Variants in GHR observed in about 807,000 individuals in gnomAD.
GHR encodes the protein growth hormone receptor.
In GHR, 35 loss-of-function variants were observed where a neutral mutation model predicts 67.1. The ratio of observed to expected loss-of-function variants is 0.52; its 90% CI spans 0.40 to 0.69. The LOEUF (loss-of-function observed/expected upper bound fraction) is 0.69. Ranked by LOEUF, GHR falls within the 30% of genes least tolerant of loss-of-function variation. The pLI, the probability that GHR is intolerant of heterozygous loss-of-function variation, is 0.00. For missense variants in GHR, 792 were observed against 764.6 expected (o/e 1.04, Z -0.42); for synonymous variants, 272 against 269.1 (o/e 1.01, Z -0.10).
chr5:42,565,106 C>T (rs896379372), intron 1 of GHR, among the ~76,000 whole-genome samples: 1 of 152,090 alleles, frequency 6.6e-6, no homozygotes, highest in Non-Finnish European at 1.5e-5. Context: ...CTACTCTCTC[C>T]GTTAGACTGA....
intron 3 of GHR, among the ~76,000 whole-genome samples, chr5:42,631,254 C>T (rs555169462): frequency 2.0e-5 from 3 of 152,260 alleles, no homozygotes; most frequent in Admixed American, 1.3e-4. Context: ...CTTCATGATA[C>T]GTAAGACGAC....
intron 1 of GHR, among the ~76,000 whole-genome samples, chr5:42,504,875 C>T (rs1456661147): frequency 6.6e-6 from 1 of 152,210 alleles, no homozygotes; most frequent in East Asian, 1.9e-4. Context: ...TATTCTGGAT[C>T]TCTTCATTAT....
chr5:42,596,593 G>T (rs1057154600), intron 2 of GHR, among the ~76,000 whole-genome samples: 1 of 152,168 alleles, frequency 6.6e-6, no homozygotes, highest in African/African-American at 2.4e-5. Context: ...GTGATTAGGG[G>T]CCAGGATACA....
At chr5:42,495,303 G>A (rs1488995318) in intron 1 of GHR, among the ~76,000 whole-genome samples, 4 of 151,934 alleles carry the variant, frequency 2.6e-5, no homozygotes, top group African/African-American at 9.7e-5. Context: ...AAAAGAACAA[G>A]CAATAGACTC....
At chr5:42,666,844 C>G (rs1426109143) in intron 3 of GHR, among the ~76,000 whole-genome samples, 1 of 152,176 alleles carries the variant, frequency 6.6e-6, no homozygotes, top group Non-Finnish European at 1.5e-5. Context: ...ATCTTTTCAA[C>G]AAAGAGCCCA....
chr5:42,604,030 G>A (rs1444061048), intron 2 of GHR, among the ~76,000 whole-genome samples: 1 of 152,230 alleles, frequency 6.6e-6, no homozygotes, highest in Non-Finnish European at 1.5e-5. Flanking sequence ...ATGTTTATGA[G>A]TTTATTATAA....
intron 1 of GHR, among the ~76,000 whole-genome samples, chr5:42,552,842 T>C (rs1203915996): frequency 6.6e-6 from 1 of 152,212 alleles, no homozygotes; most frequent in Non-Finnish European, 1.5e-5. Flanking sequence ...TTATTGCACC[T>C]GTCTCTGTGT....
chr5:42,661,245 T>C (rs1226992354), intron 3 of GHR, among the ~76,000 whole-genome samples: 1 of 152,050 alleles, frequency 6.6e-6, no homozygotes, highest in East Asian at 1.9e-4. Context: ...ATTCAGGAAA[T>C]ACAAAGAACG....
intron 1 of GHR, among the ~76,000 whole-genome samples, chr5:42,529,949 C>A (rs977548893): frequency 6.7e-6 from 1 of 150,072 alleles, no homozygotes; most frequent in Non-Finnish European, 1.5e-5. Context: ...TGAACTTCTT[C>A]CGGAATGGGA....
At chr5:42,671,935 G>A (rs1756332228) in intron 3 of GHR, among the ~76,000 whole-genome samples, 1 of 123,592 alleles carries the variant, frequency 8.1e-6, no homozygotes, top group African/African-American at 3.0e-5. Flanking sequence ...CAGCCTGGGC[G>A]ACAGAGCAAG....
intron 1 of GHR, among the ~76,000 whole-genome samples, chr5:42,450,734 T>C (rs1175514695): frequency 6.6e-6 from 1 of 152,116 alleles, no homozygotes; most frequent in African/African-American, 2.4e-5. Flanking sequence ...GATTGTCTAT[T>C]TGTGCTCTTT....
intron 6 of GHR, among the ~76,000 whole-genome samples, chr5:42,707,707 G>T (rs1409809582): frequency 1.3e-5 from 2 of 151,874 alleles, no homozygotes; most frequent in African/African-American, 4.8e-5. Context: ...CTGTGTGTGT[G>T]TGTGGCTATA....
chr5:42,668,455 G>A (rs1756106614), intron 3 of GHR, among the ~76,000 whole-genome samples: 1 of 152,012 alleles, frequency 6.6e-6, no homozygotes, highest in African/African-American at 2.4e-5. Flanking sequence ...CTTTACCCCA[G>A]TCTTGAGAAC....
intron 2 of GHR, among the ~76,000 whole-genome samples, chr5:42,566,381 A>C (rs1749939624): frequency 6.6e-6 from 1 of 152,218 alleles, no homozygotes; most frequent in African/African-American, 2.4e-5. Flanking sequence ...AAGAAATTGC[A>C]GGTTTCAAAT....
chr5:42,695,210 G>A (rs910436479), intron 5 of GHR, 121 bp downstream of exon 5: 6 of 746,248 alleles, frequency 8.0e-6, no homozygotes, highest in Middle Eastern at 3.5e-4. Flanking sequence ...GATACATGGA[G>A]ATCTGTTTTA....
chr5:42,494,925 A>G (rs1021564861), intron 1 of GHR, among the ~76,000 whole-genome samples: 1 of 152,040 alleles, frequency 6.6e-6, no homozygotes, highest in African/African-American at 2.4e-5. Flanking sequence ...TTAAATTTCC[A>G]ATTTAGCATC....
At chr5:42,527,286 T>C (rs1747744372) in intron 1 of GHR, among the ~76,000 whole-genome samples, 1 of 152,146 alleles carries the variant, frequency 6.6e-6, no homozygotes, top group Non-Finnish European at 1.5e-5. Context: ...AGTGGCAAGC[T>C]GGATAAAAAA....
At chr5:42,512,856 T>C (rs1420501934) in intron 1 of GHR, among the ~76,000 whole-genome samples, 1 of 152,070 alleles carries the variant, frequency 6.6e-6, no homozygotes, top group African/African-American at 2.4e-5. Context: ...TTTTCTGGTC[T>C]CATTTCCCTT....
chr5:42,667,888 G>A (rs1756073150), intron 3 of GHR, among the ~76,000 whole-genome samples: 1 of 152,084 alleles, frequency 6.6e-6, no homozygotes, highest in Non-Finnish European at 1.5e-5. Context: ...TGAAACCTTT[G>A]TCTCTCCCTC....
Sources: gnomAD v4.1 joint callset for allele counts (sites outside exome capture counted in the v4.1 genomes callset) on GRCh38, gnomAD v4.1.1 for gene constraint, MANE v1.5 for transcripts, NCBI Gene and HGNC (gene_info 2026-07-23, HGNC 2026-07-21) for gene names.